Variants in FOXN1 observed in about 807,000 individuals in gnomAD.
The protein encoded by FOXN1 is forkhead box N1.
FOXN1 carries 15 observed loss-of-function variants against 49.0 expected under a neutral mutation model. The ratio of observed to expected loss-of-function variants is 0.31; its 90% CI spans 0.20 to 0.47. The LOEUF (loss-of-function observed/expected upper bound fraction) is 0.47. FOXN1 is among the 20% of genes least tolerant of loss of function. The pLI is 1.00. For missense variants in FOXN1, 800 were observed against 842.8 expected, an observed-to-expected ratio of 0.95 and a Z score of 0.63; for synonymous variants, 356 against 369.0, an observed-to-expected ratio of 0.96 and a Z score of 0.40.
In FOXN1 at chr17:28,537,877, C is replaced by T. The variant is rs139939778; in HGVS notation, c.*441C>T. The T allele has an allele frequency of 3.3e-4, 84 of 257,672 alleles. No homozygotes were observed. The highest frequency in any genetic ancestry group is 1.7e-3 in the African/African-American group (77 of 45,268). 16.0% of individuals were successfully genotyped at this position (257,672 alleles called of 1,614,324 possible). On this transcript the variant is annotated 3_prime_UTR_variant, in exon 9 of 9. Transcript: ENST00000579795. ...GCTTTGCTTACCAAAAGCTCAGGGC[C>T]CTGTGCCAGGCCAAAGATCCCCCCA...
intron 6 of FOXN1, among the ~76,000 whole-genome samples, chr17:28,531,307 G>A (rs1476576653): frequency 6.6e-6 from 1 of 152,206 alleles, no homozygotes; most frequent in Non-Finnish European, 1.5e-5. Context: ...ATCTATCTCT[G>A]TGGGTGGCAG....
intron 1 of FOXN1, among the ~76,000 whole-genome samples, chr17:28,519,932 C>T (rs1414009892): frequency 2.0e-5 from 3 of 151,888 alleles, no homozygotes; most frequent in Non-Finnish European, 4.4e-5. Flanking sequence ...TGCTCCCGAT[C>T]CCCCCACCCC....
intron 1 of FOXN1, among the ~76,000 whole-genome samples, chr17:28,523,003 G>A (rs1400245660): frequency 6.6e-6 from 1 of 152,242 alleles, no homozygotes; most frequent in East Asian, 1.9e-4. Context: ...CACTCTCCCA[G>A]TTAGATGATG....
chr17:28,522,479 T>C (rs1470826784), intron 1 of FOXN1, among the ~76,000 whole-genome samples: 2 of 152,044 alleles, frequency 1.3e-5, no homozygotes, highest in Non-Finnish European at 2.9e-5. Flanking sequence ...AAATCCCTTC[T>C]CTACTAAAAA....
intron 8 of FOXN1, 22 bp downstream of exon 8, chr17:28,535,220 G>T: frequency 6.2e-7 from 1 of 1,610,810 alleles, no homozygotes. Flanking sequence ...GTGGGAAAGG[G>T]AAGGTGGGAC....
intron 1 of FOXN1, among the ~76,000 whole-genome samples, chr17:28,514,757 G>A (rs939965841): frequency 1.3e-5 from 2 of 152,172 alleles, no homozygotes; most frequent in African/African-American, 2.4e-5. Context: ...GCCGCCAGGT[G>A]GGAGGCAGCA....
chr17:28,536,638 T>G (rs1221233000), intron 8 of FOXN1, among the ~76,000 whole-genome samples: 1 of 152,168 alleles, frequency 6.6e-6, no homozygotes, highest in Non-Finnish European at 1.5e-5. Flanking sequence ...GACTCAGGTG[T>G]GCATCCTGGC....
intron 8 of FOXN1, 43 bp from the exon 9 acceptor site, chr17:28,537,074 C>T (rs769173814): frequency 6.6e-7 from 1 of 1,509,776 alleles, no homozygotes; most frequent in Non-Finnish European, 9.2e-7. Context: ...CAGGGCTCCT[C>T]CGGTGCCTCC....
chr17:28,506,615 A>G (rs1441315856), intron 1 of FOXN1, among the ~76,000 whole-genome samples, 172 bp downstream of exon 1: 5 of 152,076 alleles, frequency 3.3e-5, no homozygotes, highest in Non-Finnish European at 7.4e-5. Flanking sequence ...GCCAAGGGGC[A>G]CCCCTTCCCC....
intron 1 of FOXN1, among the ~76,000 whole-genome samples, chr17:28,518,876 T>TA (rs992493335): frequency 6.6e-6 from 1 of 152,094 alleles, no homozygotes; most frequent in Non-Finnish European, 1.5e-5. Context: ...TTTTCTCCCC[T>TA]AAAAAAATGG....
intron 1 of FOXN1, among the ~76,000 whole-genome samples, chr17:28,517,850 A>G (rs1293897070): frequency 1.4e-5 from 2 of 146,744 alleles, no homozygotes; most frequent in African/African-American, 2.6e-5. Context: ...CACAGGATAC[A>G]CACCTCCACA....
Position 28,523,941 on chromosome 17 carries a change from A to T in FOXN1, c.-14-15A>T. ...ATGCTGGTCCTCACTCTCATGGCAG[A>T]CGGCTTTCTTTGAGGCCAGGACTGG... On this transcript the variant is annotated splice_polypyrimidine_tract_variant and intron_variant, in intron 1 of 8. Coordinates refer to ENST00000579795, the MANE Select transcript of FOXN1 (RefSeq NM_001369369.1). 1 of 1,612,550 alleles carries T rather than the reference A, an allele frequency of 6.2e-7. No individual in the cohort carries two copies. The highest frequency in any genetic ancestry group is 8.5e-7 in the Non-Finnish European group (1 of 1,179,820).
intron 4 of FOXN1, among the ~76,000 whole-genome samples, chr17:28,528,151 G>A (rs1213203651): frequency 1.3e-5 from 2 of 152,350 alleles, no homozygotes; most frequent in South Asian, 4.1e-4. Context: ...CCAAGCCAGG[G>A]AGGAAGGCAA....
rs184956155 is a variant in FOXN1 at position 28,534,390 on chromosome 17, C to T, written c.987C>T (p.Phe329=). ...VRHNLSLNKC[F]EKVENKSGSS... ...ACAACCTATCCCTCAACAAGTGCTT[C>T]GAGAAGGTGGAGAACAAATCAGGAA... Residue 329 remains phenylalanine (F), a synonymous_variant, in exon 7 of 9, where the codon TTC becomes TTT. Transcript: ENST00000579795. This position sits in a 1 kb window ranked among gnomAD's most constrained non-coding sequence, Gnocchi z 4.1. 129 of 1,614,132 alleles carry T rather than the reference C, an allele frequency of 8.0e-5. No homozygotes were observed. In the East Asian group the frequency reaches 2.7e-3, roughly 33 times the overall value.
rs667026 is a variant in FOXN1 at position 28,534,153 on chromosome 17, G to A, written c.928-178G>A. Among the ~76,000 whole-genome samples, 5 of 151,994 alleles carry A rather than the reference G, an allele frequency of 3.3e-5. No individual in the cohort carries two copies. Among genetic ancestry groups the A allele is most frequent in the Non-Finnish European group, 7.4e-5 (5 of 67,998 alleles). ...TTGGGGTCAAGGTTCCTGTTCACCC[G>A]TCCCCTACCACCAAAGGGTACCAAG... On this transcript the variant is annotated intron_variant, in intron 6 of 8. Transcript: ENST00000579795. This position sits in a 1 kb window ranked among gnomAD's most constrained non-coding sequence, Gnocchi z 4.1.
Position 28,524,893 on chromosome 17 carries a change from C to G in FOXN1, c.514C>G (p.Leu172Val). The G allele has an allele frequency of 6.2e-7, 1 of 1,613,546 alleles. No homozygotes were observed. The highest frequency in any genetic ancestry group is 1.1e-5 in the South Asian group (1 of 91,080). ...GGACGTGGCGGAGGCCGAGGCCTTC[C>G]TGCCTGGCTTCTCAGCAGAGGCCTG... Reference protein sequence around the residue: ...PVDVAEAEAFLPGFSAEAWCN... With the variant: ...PVDVAEAEAFVPGFSAEAWCN... Residue 172 changes from leucine to valine, a missense_variant, in exon 3 of 9, where the codon CTG (leucine) becomes GTG (valine). By Grantham distance (32) the Leu-to-Val change is conservative. This residue lies in a region of FOXN1 where 383 missense variants were observed against 357.9 expected (regional missense o/e 1.07). Coordinates refer to ENST00000579795, the MANE Select transcript of FOXN1 (RefSeq NM_001369369.1).
chr17:28,525,578 C>T (rs1340847398), intron 3 of FOXN1, among the ~76,000 whole-genome samples: 4 of 152,164 alleles, frequency 2.6e-5, no homozygotes, highest in Admixed American at 2.6e-4. Context: ...TCAACATTAC[C>T]TGTCTCATGG....
rs773545902 is a variant in FOXN1, at chr17:28,534,300, C to T, written c.928-31C>T. 9.3e-6 allele frequency: 15 copies of T among 1,613,870 alleles called. No individual in the cohort carries two copies. The highest frequency in any genetic ancestry group is 1.3e-5 in the Non-Finnish European group (15 of 1,179,996). ...GCCCGCTCTGGCTTCCTGAGCCTGG[C>T]CTGAATGCTTGTCTTGCTCTGTTCC... On this transcript the variant is annotated intron_variant, in intron 6 of 8. Transcript: ENST00000579795. This position sits in a 1 kb window ranked among gnomAD's most constrained non-coding sequence, Gnocchi z 4.1.
chr17:28,516,098 T>A (rs143314185), intron 1 of FOXN1, among the ~76,000 whole-genome samples: 4,286 of 98,222 alleles, frequency 0.044, 198 homozygotes, highest in African/African-American at 0.15. Flanking sequence ...AGGGTACACA[T>A]CTCCACAGGG....
Sources: allele counts gnomAD v4.1 joint callset (sites outside exome capture counted in the v4.1 genomes callset), GRCh38; gene constraint gnomAD v4.1.1; regional missense constraint gnomAD v4.1.1; non-coding constraint Gnocchi (gnomAD v3.1); transcripts MANE v1.5; gene names NCBI Gene and HGNC (gene_info 2026-07-23, HGNC 2026-07-21).